Variants in GABRB2 observed in about 807,000 individuals in gnomAD.
GABRB2 encodes the protein gamma-aminobutyric acid type A receptor subunit beta2.
Under a neutral mutation model 54.7 loss-of-function variants are expected in GABRB2, and 16 were observed. The ratio of observed to expected loss-of-function variants is 0.29; its 90% confidence interval spans 0.20 to 0.44. The LOEUF (loss-of-function observed/expected upper bound fraction) is 0.44. Among genes scored for constraint, GABRB2 ranks in the 20% least tolerant of loss-of-function variants. The pLI is 1.00. For synonymous variants in GABRB2, 244 were observed against 233.8 expected (o/e 1.04, Z -0.40); for missense variants, 355 against 644.0 (o/e 0.55, Z 4.86).
intron 3 of GABRB2, among the ~76,000 whole-genome samples, chr5:161,532,503 T>C (rs1760494559): frequency 6.6e-6 from 1 of 152,096 alleles, no homozygotes; most frequent in South Asian, 2.1e-4. Context: ...AAAATATAAA[T>C]ACTCACACTA....
chr5:161,539,346 T>G (rs1760742368), intron 3 of GABRB2, among the ~76,000 whole-genome samples: 1 of 152,212 alleles, frequency 6.6e-6, no homozygotes, highest in Admixed American at 6.5e-5. Flanking sequence ...AAAGATCTAT[T>G]GAGCTGACAG....
chr5:161,413,904 C>T (rs1397197753), intron 4 of GABRB2, among the ~76,000 whole-genome samples: 3 of 152,178 alleles, frequency 2.0e-5, no homozygotes, highest in Non-Finnish European at 4.4e-5. Context: ...TCTGCTGATA[C>T]ATGTTCACGG....
At chr5:161,442,547 G>A (rs181104016) in intron 4 of GABRB2, among the ~76,000 whole-genome samples, 1 of 152,290 alleles carries the variant, frequency 6.6e-6, no homozygotes. Context: ...TGTCAGCACA[G>A]AGAAACAGAG....
chr5:161,331,491 A>G (rs1232180184), intron 7 of GABRB2, among the ~76,000 whole-genome samples: 1 of 152,182 alleles, frequency 6.6e-6, no homozygotes, highest in African/African-American at 2.4e-5. Flanking sequence ...GTTAGGAAAT[A>G]GAGACTTTTG....
intron 3 of GABRB2, among the ~76,000 whole-genome samples, chr5:161,497,744 G>C (rs1162173730): frequency 6.6e-6 from 1 of 152,082 alleles, no homozygotes; most frequent in Non-Finnish European, 1.5e-5. Flanking sequence ...CACAAGCTAA[G>C]TTCTATTACA....
intron 9 of GABRB2, 29 bp from the exon 10 acceptor site, chr5:161,294,457 T>G: frequency 6.3e-7 from 1 of 1,589,828 alleles, no homozygotes. Context: ...AAAAAGACAA[T>G]CAGAACAATG....
At chr5:161,415,425 T>G (rs1162757847) in intron 4 of GABRB2, among the ~76,000 whole-genome samples, 2 of 152,202 alleles carry the variant, frequency 1.3e-5, no homozygotes, top group African/African-American at 4.8e-5. Flanking sequence ...TCGTAAAATA[T>G]TAACACAGAG....
chr5:161,373,208 T>C (rs1755183011), intron 5 of GABRB2, among the ~76,000 whole-genome samples: 1 of 152,166 alleles, frequency 6.6e-6, no homozygotes, highest in African/African-American at 2.4e-5. Context: ...CAAAAGTCCC[T>C]TCTCATCTCA....
intron 4 of GABRB2, among the ~76,000 whole-genome samples, chr5:161,433,241 T>A (rs1342311292): frequency 1.3e-5 from 2 of 152,158 alleles, no homozygotes; most frequent in African/African-American, 4.8e-5. Context: ...AAATCACTTT[T>A]ACTAATTTAT....
At chr5:161,306,011 T>C (rs1417084140) in intron 9 of GABRB2, among the ~76,000 whole-genome samples, 1 of 152,230 alleles carries the variant, frequency 6.6e-6, no homozygotes, top group African/African-American at 2.4e-5. Flanking sequence ...AAGTGGATCA[T>C]GTTAAGTTTC....
At chr5:161,546,994 C>A (rs936593523), upstream of GABRB2, 1 of 224,360 alleles carries the variant, frequency 4.5e-6, no homozygotes, top group East Asian at 1.1e-4. Flanking sequence ...AGTTTTGCAC[C>A]GAGCGGGTTG....
chr5:161,392,186 C>T (rs550865926), intron 5 of GABRB2, among the ~76,000 whole-genome samples: 106 of 152,226 alleles, frequency 7.0e-4, no homozygotes, highest in African/African-American at 2.3e-3. Flanking sequence ...ATGGAGCCAA[C>T]GCTGCTAAAA....
At chr5:161,335,699 G>A (rs145079982) in intron 6 of GABRB2, among the ~76,000 whole-genome samples, 2 of 152,108 alleles carry the variant, frequency 1.3e-5, no homozygotes, top group African/African-American at 4.8e-5. Context: ...GTCTGAATAC[G>A]ATAGTAAGAA....
At chr5:161,357,968 A>T (rs142332477) in intron 5 of GABRB2, among the ~76,000 whole-genome samples, 2 of 152,178 alleles carry the variant, frequency 1.3e-5, no homozygotes, top group African/African-American at 4.8e-5. Context: ...GCCTGATTGG[A>T]GACAAATATT....
chr5:161,470,385 T>C (rs1758403587), intron 3 of GABRB2, among the ~76,000 whole-genome samples: 1 of 151,982 alleles, frequency 6.6e-6, no homozygotes, highest in Admixed American at 6.6e-5. Flanking sequence ...ATTTTTCCTA[T>C]GTAAACATAC....
rs1757656990 is a variant in GABRB2 at position 161,305,259 on chromosome 5, A to AC, written c.1192-10832dup. Among the ~76,000 whole-genome samples the AC allele has an allele frequency of 2.0e-5, 3 of 149,988 alleles. No individual in the cohort carries two copies. The South Asian group carries it at 6.3e-4, about 31-fold the overall frequency. Reference sequence around the variant, plus strand: ...TCTCGATCTCCTGACCTCATGATCCACCCACCTCGGCCTCCCAAAGTGCTG... The same window carrying AC: ...TCTCGATCTCCTGACCTCATGATCCACCCCACCTCGGCCTCCCAAAGTGCTG... On this transcript the variant is annotated intron_variant, in intron 9 of 9. Transcript: ENST00000393959.
At chr5:161,473,038 C>T (rs749054827) in intron 3 of GABRB2, among the ~76,000 whole-genome samples, 2 of 151,946 alleles carry the variant, frequency 1.3e-5, no homozygotes, top group African/African-American at 4.8e-5. Context: ...AACACTCACA[C>T]AGCCTAATTT....
chr5:161,452,906 G>C (rs1034552101), intron 4 of GABRB2, among the ~76,000 whole-genome samples: 30 of 152,292 alleles, frequency 2.0e-4, no homozygotes, highest in African/African-American at 7.2e-4. Flanking sequence ...TGAGGTGGGA[G>C]AATTACTTGG....
chr5:161,384,446 G>A (rs1344626451), intron 5 of GABRB2, among the ~76,000 whole-genome samples: 1 of 152,184 alleles, frequency 6.6e-6, no homozygotes, highest in African/African-American at 2.4e-5. Flanking sequence ...GGTTAAGACA[G>A]AAAAGTGGAG....
Sources: gnomAD v4.1 joint callset for allele counts (sites outside exome capture counted in the v4.1 genomes callset) on GRCh38, gnomAD v4.1.1 for gene constraint, MANE v1.5 for transcripts, NCBI Gene and HGNC (gene_info 2026-07-23, HGNC 2026-07-21) for gene names.